BAZ2B: variants seen among roughly 807,000 people sequenced by gnomAD.
The protein encoded by BAZ2B is bromodomain adjacent to zinc finger domain protein 2B.
In BAZ2B, 91 loss-of-function variants were observed where a neutral mutation model predicts 246.0. The ratio of observed to expected loss-of-function variants is 0.37; its 90% confidence interval spans 0.31 to 0.44. The LOEUF (loss-of-function observed/expected upper bound fraction) is 0.44, where lower values mean the gene tolerates loss of function less well. BAZ2B is among the 20% of genes least tolerant of loss of function. The pLI is 1.00. For missense variants in BAZ2B, 2,332 were observed against 2,533.7 expected, an observed-to-expected ratio of 0.92 and a Z score of 1.71; for synonymous variants, 855 against 860.0, an observed-to-expected ratio of 0.99 and a Z score of 0.10.
At position 159,568,482 on chromosome 2, in the gene BAZ2B, A is replaced by G. The variant is rs1488924644; in HGVS notation, c.-45-12617T>C. The stretch of plus-strand genomic sequence containing the variant: ...ATGATTAAATTTGTACTTATATGTA[A>G]TTTAACTATAAATTATTTAAATGAG... On this transcript the variant is annotated intron_variant, in intron 1 of 36. Coordinates refer to ENST00000392783, the MANE Select transcript of BAZ2B (RefSeq NM_013450.4). Among the ~76,000 whole-genome samples the G allele has an allele frequency of 3.3e-5, 5 of 152,196 alleles. No individual in the cohort carries two copies. In the East Asian group the frequency reaches 9.6e-4, roughly 29 times the overall value.
chr2:159,338,455 G>A (rs968128491), intron 31 of BAZ2B, among the ~76,000 whole-genome samples: 1 of 152,100 alleles, frequency 6.6e-6, no homozygotes, highest in Non-Finnish European at 1.5e-5. Flanking sequence ...TAAATTCCAT[G>A]AGAGCAGGGA....
At chr2:159,548,757 C>T (rs2087717442) in intron 2 of BAZ2B, among the ~76,000 whole-genome samples, 1 of 152,020 alleles carries the variant, frequency 6.6e-6, no homozygotes, top group South Asian at 2.1e-4. Context: ...TATGATTGTG[C>T]CACTGTAGTC....
the BAZ2B span, among the ~76,000 whole-genome samples, chr2:159,679,394 T>C: frequency 6.6e-6 from 1 of 151,996 alleles, no homozygotes; most frequent in Non-Finnish European, 1.5e-5. Flanking sequence ...TTATATACTA[T>C]ATGTGGTAGT....
chr2:159,574,432 C>G (rs186620748), intron 1 of BAZ2B, among the ~76,000 whole-genome samples: 2 of 152,132 alleles, frequency 1.3e-5, no homozygotes, highest in Non-Finnish European at 2.9e-5. Context: ...AGTGGGATTG[C>G]AAAACATTGC....
the BAZ2B span, among the ~76,000 whole-genome samples, chr2:159,692,939 G>C: frequency 6.6e-6 from 1 of 152,236 alleles, no homozygotes; most frequent in East Asian, 1.9e-4. Context: ...TTCCCAAGTA[G>C]CTAGGACTAC....
chr2:159,553,392 C>CAAAAAAAAAAAAAAAAAAAA (rs35253250), intron 2 of BAZ2B, among the ~76,000 whole-genome samples: 3 of 73,810 alleles, frequency 4.1e-5, no homozygotes, highest in African/African-American at 5.4e-5. Context: ...GACTCTGTCT[C>CAAAAAAAAAAAAAAAAAAAA]AAAAAAAAAA....
At chr2:159,453,327 C>T (rs527785099) in intron 4 of BAZ2B, among the ~76,000 whole-genome samples, 3 of 152,002 alleles carry the variant, frequency 2.0e-5, no homozygotes, top group Non-Finnish European at 4.4e-5. Context: ...GTATATTATA[C>T]TTCAACAAAA....
intron 27 of BAZ2B, among the ~76,000 whole-genome samples, chr2:159,359,762 C>A (rs1180390364): frequency 1.3e-5 from 2 of 152,204 alleles, no homozygotes; most frequent in Non-Finnish European, 2.9e-5. Context: ...CTGCCCTGAT[C>A]AAGTTGGCTT....
At chr2:159,670,066 G>C in the BAZ2B span, among the ~76,000 whole-genome samples, 1 of 152,114 alleles carries the variant, frequency 6.6e-6, no homozygotes, top group South Asian at 2.1e-4. Flanking sequence ...CGCCTCCCGG[G>C]TTCAAGTGAT....
chr2:159,702,221 G>A, the BAZ2B span, among the ~76,000 whole-genome samples: 9 of 151,952 alleles, frequency 5.9e-5, no homozygotes, highest in Non-Finnish European at 1.0e-4. Context: ...CATTTTGGTC[G>A]GTTAAAAAGC....
At chr2:159,537,873 T>C (rs914421666) in intron 2 of BAZ2B, among the ~76,000 whole-genome samples, 1 of 151,604 alleles carries the variant, frequency 6.6e-6, no homozygotes, top group Non-Finnish European at 1.5e-5. Context: ...TATGTTAATC[T>C]ACCATCTTTT....
intron 2 of BAZ2B, among the ~76,000 whole-genome samples, chr2:159,548,994 C>T (rs1389456490): frequency 6.6e-6 from 1 of 152,078 alleles, no homozygotes; most frequent in Non-Finnish European, 1.5e-5. Flanking sequence ...CAACGTTAAA[C>T]TAAGGCCGGG....
At chr2:159,416,158 T>G (rs2067674117) in intron 13 of BAZ2B, among the ~76,000 whole-genome samples, 1 of 152,180 alleles carries the variant, frequency 6.6e-6, no homozygotes, top group Non-Finnish European at 1.5e-5. Flanking sequence ...AGAAAAAAAC[T>G]AATGCATATG....
chr2:159,424,108 C>T (rs2069310959), intron 13 of BAZ2B, among the ~76,000 whole-genome samples: 1 of 152,140 alleles, frequency 6.6e-6, no homozygotes. Context: ...AAATATGCCA[C>T]AATAACATTA....
At chr2:159,694,602 G>A in the BAZ2B span, 1 of 152,084 alleles carries the variant, frequency 6.6e-6, no homozygotes. Context: ...TTTTATGTTT[G>A]GTTTCCATCT....
intron 4 of BAZ2B, among the ~76,000 whole-genome samples, chr2:159,451,608 T>C (rs1371294541): frequency 6.6e-6 from 1 of 152,230 alleles, no homozygotes; most frequent in Non-Finnish European, 1.5e-5. Context: ...TGTCTGTTCA[T>C]CTATCTCCTA....
chr2:159,438,037 T>A lies in BAZ2B; in HGVS notation c.1293+266A>T, dbSNP rs551291104. Reference sequence around the variant, plus strand: ...ATCCCCTTATTTCTAAATCCTTAGATCTTGGGTGTGGGGACTTACCTTAGG... The same window carrying A: ...ATCCCCTTATTTCTAAATCCTTAGAACTTGGGTGTGGGGACTTACCTTAGG... On this transcript the variant is annotated intron_variant, in intron 8 of 36. Coordinates refer to ENST00000392783, the MANE Select transcript of BAZ2B (RefSeq NM_013450.4). 4.9e-4 allele frequency: 162 copies of A among 329,036 alleles called. 2 individuals are homozygous for A. Among genetic ancestry groups the A allele is most frequent in the Non-Finnish European group, 4.0e-4 (73 of 182,106 alleles). The allele number at this position is 329,036 out of a possible 1,614,324, so 20.4% of individuals were successfully genotyped here.
chr2:159,647,517 C>T, the BAZ2B span, among the ~76,000 whole-genome samples: 1 of 152,228 alleles, frequency 6.6e-6, no homozygotes. Context: ...TAAAAACACT[C>T]TCAGAGACAC....
chr2:159,623,865 T>G, the BAZ2B span, among the ~76,000 whole-genome samples: 1 of 152,230 alleles, frequency 6.6e-6, no homozygotes. Context: ...TTGAATTAAT[T>G]ATGGAACATC....
Sources: gnomAD v4.1 joint callset for allele counts (sites outside exome capture counted in the v4.1 genomes callset) on GRCh38, gnomAD v4.1.1 for gene constraint, MANE v1.5 for transcripts, NCBI Gene and HGNC (gene_info 2026-07-23, HGNC 2026-07-21) for gene names.